The following KCNG2 variants were observed in gnomAD, a reference collection of about 807,000 sequenced individuals.
KCNG2 encodes the protein voltage-gated potassium channel regulatory subunit KCNG2.
KCNG2 carries 7 observed loss-of-function variants against 12.3 expected under a neutral mutation model. That is an observed-to-expected ratio of 0.57 (90% CI 0.32 to 1.07). KCNG2 has a LOEUF of 1.07. Ranked by LOEUF, KCNG2 falls within the 50% of genes least tolerant of loss-of-function variation. The probability of loss-of-function intolerance (pLI) is 0.04; values close to 1 mark genes in which losing one functional copy is unlikely to be tolerated. For synonymous variants in KCNG2, 414 were observed against 351.4 expected, an observed-to-expected ratio of 1.18 and a Z score of -1.99; for missense variants, 703 against 726.0, an observed-to-expected ratio of 0.97 and a Z score of 0.36.
intron 2 of KCNG2, among the ~76,000 whole-genome samples, chr18:79,856,987 G>C (rs1255613023): frequency 1.1e-5 from 1 of 95,022 alleles, no homozygotes; most frequent in Non-Finnish European, 2.2e-5. Context: ...CCCTGCTCCA[G>C]CCCTTCTGCT....
At chr18:79,885,139 G>A (rs746874214) in intron 3 of KCNG2, among the ~76,000 whole-genome samples, 3 of 152,216 alleles carry the variant, frequency 2.0e-5, no homozygotes, top group African/African-American at 4.8e-5. Flanking sequence ...GCAGCCCAGG[G>A]CTGTGGAGCA....
At chr18:79,826,751 G>A (rs1215289748) in intron 1 of KCNG2, among the ~76,000 whole-genome samples, 1 of 143,820 alleles carries the variant, frequency 7.0e-6, no homozygotes, top group Non-Finnish European at 1.5e-5. Context: ...TGAGTGAGCA[G>A]CTCCTCACGG....
chr18:79,880,001 C>G (rs1312895422), intron 3 of KCNG2, among the ~76,000 whole-genome samples: 1 of 152,110 alleles, frequency 6.6e-6, no homozygotes, highest in Non-Finnish European at 1.5e-5. Flanking sequence ...TTGTAGAGCA[C>G]GACTTGGCTC....
chr18:79,877,349 G>A (rs755904122), intron 3 of KCNG2, among the ~76,000 whole-genome samples: 4 of 152,224 alleles, frequency 2.6e-5, no homozygotes, highest in African/African-American at 7.2e-5. Context: ...CTCAGTGGCC[G>A]CGGCTGTTTG....
rs1400847655 is a variant in KCNG2 at position 79,856,410 on chromosome 18, C to T, written c.-83C>T. 6.6e-6 allele frequency among the ~76,000 whole-genome samples: 1 copy of T among 152,234 alleles called. No homozygotes were observed. The highest frequency in any genetic ancestry group is 1.9e-4 in the East Asian group (1 of 5,200). ...GCCGCTGGTCTCAGCTGTGTTTTCA[C>T]CGGTTCCCTGAAAGAGAATACCCTG... is the stretch of plus-strand genomic sequence containing the variant. On this transcript the variant is annotated 5_prime_UTR_variant, in exon 2 of 4. Coordinates refer to ENST00000316249, the MANE Select transcript of KCNG2 (RefSeq NM_012283.2).
intron 3 of KCNG2, among the ~76,000 whole-genome samples, chr18:79,866,607 GGTGCTGAGAGGTCTGT>G (rs1238562512): frequency 7.5e-4 from 94 of 126,040 alleles, no homozygotes; most frequent in African/African-American, 2.5e-3. Flanking sequence ...CTGAGGTCTG[GGTGCTGAGAGGTCTGT>G]GTGCTGAGAG....
At chr18:79,848,384 C>T (rs1201119459) in intron 1 of KCNG2, among the ~76,000 whole-genome samples, 1 of 152,192 alleles carries the variant, frequency 6.6e-6, no homozygotes, top group Non-Finnish European at 1.5e-5. Flanking sequence ...GTCTCTGAAC[C>T]GCTGGGGAGG....
chr18:79,864,130 C>T lies in KCNG2; in HGVS notation c.463C>T (p.Arg155Trp), dbSNP rs748144545. 6.2e-6 allele frequency: 8 copies of T among 1,298,612 alleles called. No individual in the cohort carries two copies. The highest frequency in any genetic ancestry group is 7.8e-6 in the Non-Finnish European group (8 of 1,023,426). 80.4% of individuals were successfully genotyped at this position (1,298,612 alleles called of 1,614,324 possible). A position where few individuals can be genotyped will look rare whatever the true frequency, so the allele number is the denominator to read the frequency against. The change falls in exon 3 of 4, where the codon CGG (arginine) becomes TGG (tryptophan). Residue 155 changes from arginine (R) to tryptophan (W), a missense_variant. Arg to Trp is a moderately radical substitution (Grantham distance 101). Coordinates refer to ENST00000316249, the MANE Select transcript of KCNG2 (RefSeq NM_012283.2). Reference protein sequence around the residue: ...SPARALGPRGRLQRGRRRLRD... With the variant: ...SPARALGPRGWLQRGRRRLRD... ...GGCGCGCGCCCTGGGACCTCGGGGG[C>T]GGCTGCAGCGCGGCCGGCGGCGCCT...
intron 3 of KCNG2, among the ~76,000 whole-genome samples, chr18:79,876,473 C>T (rs1035671112): frequency 6.6e-6 from 1 of 152,222 alleles, no homozygotes; most frequent in Non-Finnish European, 1.5e-5. Flanking sequence ...TGGAAACCAG[C>T]GGCCCAGGGA....
At chr18:79,801,408 TCCCTG>T (rs1423232767) in intron 1 of KCNG2, among the ~76,000 whole-genome samples, 1 of 152,160 alleles carries the variant, frequency 6.6e-6, no homozygotes, top group Non-Finnish European at 1.5e-5. Context: ...AGGTCCTCCA[TCCCTG>T]CTGGGTTTCC....
chr18:79,873,500 A>G (rs1979944585), intron 3 of KCNG2, among the ~76,000 whole-genome samples: 1 of 139,070 alleles, frequency 7.2e-6, no homozygotes, highest in African/African-American at 2.7e-5. Context: ...GAGCACATCC[A>G]GCCTGCGCTT....
chr18:79,854,115 C>T (rs1278602856), intron 1 of KCNG2, among the ~76,000 whole-genome samples: 4 of 152,266 alleles, frequency 2.6e-5, no homozygotes, highest in African/African-American at 7.2e-5. Context: ...TGGTCGTGGG[C>T]TCAGGCATCC....
chr18:79,804,787 A>AT (rs1268205045), intron 1 of KCNG2, among the ~76,000 whole-genome samples: 1 of 152,352 alleles, frequency 6.6e-6, no homozygotes, highest in African/African-American at 2.4e-5. Flanking sequence ...TTTTTCTCAC[A>AT]TTCTAAAAGC....
intron 1 of KCNG2, among the ~76,000 whole-genome samples, chr18:79,828,934 G>A (rs1328026170): frequency 7.5e-6 from 1 of 133,716 alleles, no homozygotes; most frequent in Non-Finnish European, 1.6e-5. Flanking sequence ...ATGTGTGCGT[G>A]TGTGTAACGT....
chr18:79,862,355 C>T (rs572528671), intron 2 of KCNG2, among the ~76,000 whole-genome samples: 2 of 152,152 alleles, frequency 1.3e-5, no homozygotes, highest in African/African-American at 2.4e-5. Flanking sequence ...ATGTCTGTTC[C>T]AATAGCTTAG....
In KCNG2 at chr18:79,899,969, G is replaced by A. The variant is rs1024203085; in HGVS notation, c.*153G>A. The A allele has an allele frequency of 1.6e-6, 1 of 642,708 alleles. No individual in the cohort carries two copies. The highest frequency in any genetic ancestry group is 2.2e-6 in the Non-Finnish European group (1 of 452,566). The allele number at this position is 642,708 out of a possible 1,614,324, so 39.8% of individuals were successfully genotyped here. On this transcript the variant is annotated 3_prime_UTR_variant, in exon 4 of 4. Transcript: ENST00000316249. Reference sequence around the variant, plus strand: ...TCGTGCGTGAGCAGCCCCAGAACTTGGCGGGGCCCTGCCTGACTCCCCGTG... The same window carrying A: ...TCGTGCGTGAGCAGCCCCAGAACTTAGCGGGGCCCTGCCTGACTCCCCGTG...
intron 1 of KCNG2, among the ~76,000 whole-genome samples, chr18:79,828,284 C>T (rs575313534): frequency 2.2e-4 from 33 of 152,344 alleles, no homozygotes; most frequent in South Asian, 1.2e-3. Context: ...ACATGACATG[C>T]GTGCGTGTGC....
chr18:79,812,833 T>A (rs745639648), intron 1 of KCNG2, among the ~76,000 whole-genome samples: 1 of 142,702 alleles, frequency 7.0e-6, no homozygotes, highest in Non-Finnish European at 1.5e-5. Context: ...TGTAGTCCAG[T>A]CTGGGTGATA....
chr18:79,846,084 C>G (rs1458983717), intron 1 of KCNG2, among the ~76,000 whole-genome samples: 1 of 126,406 alleles, frequency 7.9e-6, no homozygotes, highest in Non-Finnish European at 1.6e-5. Flanking sequence ...GAGTGAGACT[C>G]TGTCTTGGCT....
Sources: allele counts gnomAD v4.1 joint callset (sites outside exome capture counted in the v4.1 genomes callset), GRCh38; gene constraint gnomAD v4.1.1; transcripts MANE v1.5; gene names NCBI Gene and HGNC (gene_info 2026-07-23, HGNC 2026-07-21).